Variants in TMPRSS15 observed in about 807,000 individuals in gnomAD.
TMPRSS15 encodes enteropeptidase.
A neutral mutation model predicts 125.3 loss-of-function variants in TMPRSS15; 128 were observed. That is an observed-to-expected ratio of 1.02 (90% CI 0.89 to 1.18). The LOEUF is 1.18. Among genes scored for constraint, TMPRSS15 ranks in the 50% most tolerant of loss-of-function variants. TMPRSS15 has a pLI of 0.00. For synonymous variants in TMPRSS15, 446 were observed against 423.2 expected (o/e 1.05, Z -0.66); for missense variants, 1,283 against 1,212.7 (o/e 1.06, Z -0.86).
intron 18 of TMPRSS15, among the ~76,000 whole-genome samples, chr21:18,299,742 T>G (rs999833047): frequency 7.2e-5 from 11 of 152,192 alleles, no homozygotes; most frequent in African/African-American, 2.2e-4. Flanking sequence ...CTCAAAGTGA[T>G]GCTCTTTCCA....
chr21:18,350,305 C>T lies in TMPRSS15; in HGVS notation c.1171+2598G>A, dbSNP rs144009019. ...TCAACACTAAACTTTTTTTGTCTTA[C>T]GGGGTTGGCAATTTACATAAAGAAC... On this transcript the variant is annotated intron_variant, in intron 10 of 24. Transcript: ENST00000284885. 6.6e-3 allele frequency among the ~76,000 whole-genome samples: 1,011 copies of T among 152,130 alleles called. 11 individuals carry two copies. The highest frequency in any genetic ancestry group is 0.023 in the African/African-American group (935 of 41,514).
chr21:18,435,359 A>C (rs1280610642), intron 1 of TMPRSS15, among the ~76,000 whole-genome samples: 1 of 152,148 alleles, frequency 6.6e-6, no homozygotes, highest in Admixed American at 6.6e-5. Flanking sequence ...GAATTTTGTC[A>C]AAGGCCTTTT....
intron 3 of TMPRSS15, among the ~76,000 whole-genome samples, chr21:18,386,157 G>T (rs1332171605): frequency 6.6e-6 from 1 of 152,062 alleles, no homozygotes; most frequent in African/African-American, 2.4e-5. Flanking sequence ...TGAACAGAAG[G>T]TAATTACTCT....
At chr21:18,329,631 TA>T in intron 14 of TMPRSS15, among the ~76,000 whole-genome samples, 1 of 151,638 alleles carries the variant, frequency 6.6e-6, no homozygotes, top group South Asian at 2.1e-4. Context: ...ATACTAAAAT[TA>T]TAGTTTCATT....
intron 20 of TMPRSS15, 64 bp downstream of exon 20, chr21:18,294,539 T>C (rs1195991510): frequency 6.2e-7 from 1 of 1,602,344 alleles, no homozygotes; most frequent in Non-Finnish European, 8.6e-7. Flanking sequence ...TCAGGTGACA[T>C]AAAACTCTAT....
At chr21:18,463,077 C>T (rs1374897386) in intron 1 of TMPRSS15, among the ~76,000 whole-genome samples, 1 of 151,518 alleles carries the variant, frequency 6.6e-6, no homozygotes, top group Non-Finnish European at 1.5e-5. Context: ...CAATATTAAA[C>T]TTACATGTAA....
chr21:18,435,203 T>C (rs1235437527), intron 1 of TMPRSS15, among the ~76,000 whole-genome samples: 3 of 152,202 alleles, frequency 2.0e-5, no homozygotes, highest in Non-Finnish European at 4.4e-5. Context: ...ATCCCTGTCT[T>C]GTGCCAGTTT....
intron 23 of TMPRSS15, among the ~76,000 whole-genome samples, chr21:18,278,157 AG>A (rs2074643889): frequency 1.3e-5 from 2 of 152,292 alleles, no homozygotes; most frequent in South Asian, 4.1e-4. Context: ...GTTGAGTGTG[AG>A]GCCTTCACAT....
chr21:18,465,833 T>G (rs1235439765), intron 1 of TMPRSS15, among the ~76,000 whole-genome samples: 1 of 152,216 alleles, frequency 6.6e-6, no homozygotes, highest in African/African-American at 2.4e-5. Context: ...ATGGCCATAC[T>G]GCCCAAAGTA....
In TMPRSS15 at chr21:18,413,266, CTCTT is replaced by C. The variant is rs1184522528; in HGVS notation, c.11-14941_11-14938del. Among the ~76,000 whole-genome samples, 254 of 112,458 alleles carry C rather than the reference CTCTT, an allele frequency of 2.3e-3. 3 individuals are homozygous for C. The highest frequency in any genetic ancestry group is 7.5e-3 in the African/African-American group (228 of 30,440). 73.8% of individuals were successfully genotyped at this position (112,458 alleles called of 152,430 possible). ...TCTTTCTTCCTTCCTTTCTTTCTTT[CTCTT>C]TCTTTTTCTTTTTCTTTCTTTCTTT... is the stretch of plus-strand genomic sequence containing the variant. On this transcript the variant is annotated intron_variant, in intron 1 of 7. Coordinates refer to the TMPRSS15 transcript ENST00000422787.
intron 18 of TMPRSS15, 60 bp downstream of exon 18, chr21:18,312,885 T>C: frequency 6.2e-7 from 1 of 1,600,056 alleles, no homozygotes; most frequent in Non-Finnish European, 8.6e-7. Flanking sequence ...TTAAACCTAA[T>C]TTGATAGTAA....
At chr21:18,465,360 A>G (rs137982101) in intron 1 of TMPRSS15, among the ~76,000 whole-genome samples, 2 of 152,216 alleles carry the variant, frequency 1.3e-5, no homozygotes, top group Non-Finnish European at 2.9e-5. Flanking sequence ...CAAGACAGGG[A>G]TGCCCTCTCT....
At chr21:18,433,370 T>C (rs1441207888) in intron 1 of TMPRSS15, among the ~76,000 whole-genome samples, 2 of 152,138 alleles carry the variant, frequency 1.3e-5, no homozygotes, top group African/African-American at 4.8e-5. Flanking sequence ...ATTAAATTTC[T>C]GGAACTTCTG....
chr21:18,447,922 A>C (rs1421413184), intron 1 of TMPRSS15, among the ~76,000 whole-genome samples: 2 of 152,180 alleles, frequency 1.3e-5, no homozygotes, highest in African/African-American at 4.8e-5. Flanking sequence ...ATGAGATATC[A>C]CTTCACCCCT....
In TMPRSS15 at chr21:18,281,045, T is replaced by C; in HGVS notation, c.2663A>G (p.Tyr888Cys). The C allele has an allele frequency of 1.2e-6, 2 of 1,613,642 alleles. No individual in the cohort carries two copies. The highest frequency in any genetic ancestry group is 1.7e-6 in the Non-Finnish European group (2 of 1,179,928). Residue 888 changes from tyrosine (Y) to cysteine (C), a missense_variant, in exon 22 of 25, where the codon TAC (tyrosine) becomes TGC (cysteine). Transcript: ENST00000284885. ...GAGTGATTTTTTTTTTTTACCTGTG[T>C]AATTCACTTTAAATTCCAGATGCAT... is the stretch of plus-strand genomic sequence containing the variant. ...AMMHLEFKVN[Y>C]TDYIQPICLP...
chr21:18,441,279 C>T (rs183129791), intron 1 of TMPRSS15, among the ~76,000 whole-genome samples: 1 of 128,626 alleles, frequency 7.8e-6, no homozygotes, highest in East Asian at 2.3e-4. Flanking sequence ...GAAACTCCGT[C>T]TCAAACAAAA....
At chr21:18,272,574 A>AATT (rs551466440) in intron 24 of TMPRSS15, among the ~76,000 whole-genome samples, 56 of 152,064 alleles carry the variant, frequency 3.7e-4, no homozygotes, top group Middle Eastern at 3.4e-3. Context: ...AAATACAAAA[A>AATT]ATTAGCCAGG....
chr21:18,364,147 A>T (rs1447218572), intron 7 of TMPRSS15, among the ~76,000 whole-genome samples: 1 of 152,094 alleles, frequency 6.6e-6, no homozygotes, highest in Non-Finnish European at 1.5e-5. Flanking sequence ...ATCAGCTATT[A>T]TATGTCAATA....
chr21:18,282,431 G>A (rs963739473), intron 21 of TMPRSS15, among the ~76,000 whole-genome samples: 8 of 152,214 alleles, frequency 5.3e-5, no homozygotes, highest in Middle Eastern at 3.4e-3. Flanking sequence ...CTTAACAGTC[G>A]CAAATGCCTC....
Sources: allele counts gnomAD v4.1 joint callset (sites outside exome capture counted in the v4.1 genomes callset), GRCh38; gene constraint gnomAD v4.1.1; transcripts MANE v1.5; gene names NCBI Gene and HGNC (gene_info 2026-07-23, HGNC 2026-07-21).